TBC1D4: variants seen among roughly 807,000 people sequenced by gnomAD.
The protein encoded by TBC1D4 is TBC1 domain family member 4, also known as TBC (Tre-2, BUB2, CDC16) domain-containing protein.
A neutral mutation model predicts 142.5 loss-of-function variants in TBC1D4; 121 were observed. The ratio of observed to expected loss-of-function variants is 0.85; its 90% CI spans 0.73 to 0.99. TBC1D4 has a LOEUF of 0.99. TBC1D4 is among the 50% of genes least tolerant of loss of function. TBC1D4 has a pLI of 0.00. For synonymous variants in TBC1D4, 630 were observed against 628.2 expected (o/e 1.00, Z -0.04); for missense variants, 1,475 against 1,606.6 (o/e 0.92, Z 1.40).
At position 75,292,188 on chromosome 13, in the gene TBC1D4, A is replaced by T. The variant is rs1415012485; in HGVS notation, c.3400T>A (p.Cys1134Ser). Residue 1134 changes from cysteine (C) to serine (S), a missense_variant, in exon 19 of 21, where the codon TGT becomes AGT. Around this residue, in one of 2 missense-constraint regions of TBC1D4, gnomAD observed 248 missense variants for 338.9 expected, o/e 0.73. Transcript: ENST00000377636. ...LSSQETLIME[C>S]ESFENIVEFL... ...TCAACAATATTTTCAAAGCTCTCAC[A>T]TTCCATTATAAGTGTCTCTTGGCTG... 6.2e-7 allele frequency: 1 copy of T among 1,613,546 alleles called. No individual in the cohort carries two copies. Among genetic ancestry groups the T allele is most frequent in the Admixed American group, 1.7e-5 (1 of 59,982 alleles).
At chr13:75,471,817 T>A (rs1041563453) in intron 1 of TBC1D4, among the ~76,000 whole-genome samples, 1 of 146,506 alleles carries the variant, frequency 6.8e-6, no homozygotes, top group African/African-American at 2.5e-5. Flanking sequence ...ATAAAAAGAA[T>A]TGTGGATGGC....
At chr13:75,341,319 G>T (rs1880682562) in intron 6 of TBC1D4, 84 bp from the exon 7 acceptor site, 3 of 1,421,008 alleles carry the variant, frequency 2.1e-6, no homozygotes, top group African/African-American at 2.8e-5. Flanking sequence ...CGTAAATAAA[G>T]CTAAGAGTTT....
chr13:75,342,002 G>A (rs1335669574), intron 5 of TBC1D4, among the ~76,000 whole-genome samples: 1 of 152,118 alleles, frequency 6.6e-6, no homozygotes, highest in East Asian at 1.9e-4. Flanking sequence ...CAAGCATGAA[G>A]CAAATTCTAG....
chr13:75,322,983 G>A (rs1221988016), intron 11 of TBC1D4, among the ~76,000 whole-genome samples: 1 of 151,962 alleles, frequency 6.6e-6, no homozygotes, highest in Non-Finnish European at 1.5e-5. Context: ...GGAAAGTTCA[G>A]GATCAAAATT....
chr13:75,336,833 A>T, intron 8 of TBC1D4, 88 bp downstream of exon 8: 1 of 1,439,482 alleles, frequency 6.9e-7, no homozygotes, highest in Non-Finnish European at 9.5e-7. Flanking sequence ...TTTTTGTTTT[A>T]AGGAAATCAG....
intron 1 of TBC1D4, among the ~76,000 whole-genome samples, chr13:75,389,007 T>C (rs376850688): frequency 1.3e-5 from 2 of 152,370 alleles, no homozygotes; most frequent in Non-Finnish European, 2.9e-5. Context: ...TTTACTGATA[T>C]CTGCTTCAAA....
chr13:75,471,498 G>A (rs1032752856), intron 1 of TBC1D4, among the ~76,000 whole-genome samples: 18 of 152,218 alleles, frequency 1.2e-4, no homozygotes, highest in African/African-American at 4.3e-4. Context: ...AGCACTTTGG[G>A]AGGCCAAGGC....
At chr13:75,310,242 A>G (rs1261223674) in intron 13 of TBC1D4, 91 bp from the exon 14 acceptor site, 1 of 1,320,402 alleles carries the variant, frequency 7.6e-7, no homozygotes, top group Non-Finnish European at 1.1e-6. Flanking sequence ...CTGATCTTCT[A>G]CACTTAAAAA....
chr13:75,472,322 G>A (rs1161815416), intron 1 of TBC1D4, among the ~76,000 whole-genome samples: 4 of 152,192 alleles, frequency 2.6e-5, no homozygotes, highest in South Asian at 2.1e-4. Context: ...AGGAGGCAGA[G>A]GCAGGAGAAC....
intron 13 of TBC1D4, among the ~76,000 whole-genome samples, chr13:75,310,777 A>ACT: frequency 6.6e-6 from 1 of 152,282 alleles, no homozygotes; most frequent in Non-Finnish European, 1.5e-5. Context: ...CCTGAGAGGT[A>ACT]GTTTTTCAAT....
intron 1 of TBC1D4, among the ~76,000 whole-genome samples, chr13:75,412,890 T>G (rs1885739032): frequency 6.6e-6 from 1 of 152,190 alleles, no homozygotes. Flanking sequence ...AAGAGACATA[T>G]TTACCGAGTT....
chr13:75,324,178 A>G, intron 11 of TBC1D4, 59 bp downstream of exon 11: 1 of 1,596,406 alleles, frequency 6.3e-7, no homozygotes, highest in Non-Finnish European at 8.6e-7. Context: ...CTTTTTAGTA[A>G]CATATCAGTA....
intron 12 of TBC1D4, 124 bp from the exon 13 acceptor site, chr13:75,313,022 T>A: frequency 9.5e-7 from 1 of 1,047,558 alleles, no homozygotes; most frequent in Non-Finnish European, 1.4e-6. Context: ...ACAGGCAACA[T>A]GGAGCAATGC....
chr13:75,378,068 A>G (rs1278243170), intron 1 of TBC1D4, among the ~76,000 whole-genome samples: 1 of 152,134 alleles, frequency 6.6e-6, no homozygotes, highest in Non-Finnish European at 1.5e-5. Flanking sequence ...TACTATGGCT[A>G]TATGTGGCTT....
intron 1 of TBC1D4, among the ~76,000 whole-genome samples, chr13:75,372,881 T>C (rs1361343342): frequency 6.6e-6 from 1 of 152,186 alleles, no homozygotes; most frequent in Non-Finnish European, 1.5e-5. Flanking sequence ...CTTGATGACA[T>C]TTAATTTGCT....
Position 75,406,049 on chromosome 13 carries a change from T to A in TBC1D4, c.499-43442A>T, listed in dbSNP as rs575950241. Among the ~76,000 whole-genome samples the A allele has an allele frequency of 1.6e-4, 24 of 152,376 alleles. No homozygotes were observed. In the South Asian group the frequency reaches 5.0e-3, roughly 32 times the overall value. ...GACAAGCACTAACAGGGAGAGATGA[T>A]AGGTTTCTCAGTCATAATTGAATTC... On this transcript the variant is annotated intron_variant, in intron 1 of 20. Coordinates refer to ENST00000377636, the MANE Select transcript of TBC1D4 (RefSeq NM_014832.5).
intron 4 of TBC1D4, among the ~76,000 whole-genome samples, chr13:75,354,030 C>A (rs1464774240): frequency 1.3e-5 from 2 of 152,294 alleles, no homozygotes; most frequent in South Asian, 4.1e-4. Flanking sequence ...CTAACCAACA[C>A]GTGTGGGTTT....
chr13:75,400,410 A>C (rs1885026622), intron 1 of TBC1D4, among the ~76,000 whole-genome samples: 1 of 151,746 alleles, frequency 6.6e-6, no homozygotes, highest in African/African-American at 2.4e-5. Flanking sequence ...CATTCTCCAA[A>C]TCACAGTCAA....
chr13:75,332,184 C>A (rs2138037144), intron 8 of TBC1D4, among the ~76,000 whole-genome samples: 1 of 152,248 alleles, frequency 6.6e-6, no homozygotes, highest in East Asian at 1.9e-4. Context: ...CCCTAAATAC[C>A]CTTTGCCATT....
Sources: gnomAD v4.1 joint callset for allele counts (sites outside exome capture counted in the v4.1 genomes callset) on GRCh38, gnomAD v4.1.1 for gene constraint, gnomAD v4.1.1 regional missense constraint, MANE v1.5 for transcripts, NCBI Gene and HGNC (gene_info 2026-07-23, HGNC 2026-07-21) for gene names.